ZNF142: variants seen among roughly 807,000 people sequenced by gnomAD.
ZNF142 encodes the protein zinc finger protein 142.
In ZNF142, 96 loss-of-function variants were observed where a neutral mutation model predicts 132.1. That is an observed-to-expected ratio of 0.73 (90% CI 0.62 to 0.86). The LOEUF (loss-of-function observed/expected upper bound fraction) is 0.86. Ranked by LOEUF, ZNF142 falls within the 40% of genes least tolerant of loss-of-function variation. ZNF142 has a pLI of 0.00. For synonymous variants in ZNF142, 842 were observed against 890.1 expected, an observed-to-expected ratio of 0.95 and a Z score of 0.96; for missense variants, 2,163 against 2,336.2, an observed-to-expected ratio of 0.93 and a Z score of 1.53.
intron 7 of ZNF142, among the ~76,000 whole-genome samples, chr2:218,647,038 T>C (rs1224616830): frequency 6.6e-6 from 1 of 152,200 alleles, no homozygotes; most frequent in African/African-American, 2.4e-5. Context: ...AATTCTGATC[T>C]GAAGTCCAAC....
chr2:218,644,607 G>A lies in ZNF142; in HGVS notation c.2509C>T (p.Pro837Ser). 6.2e-7 allele frequency: 1 copy of A among 1,614,218 alleles called. No homozygotes were observed. The highest frequency in any genetic ancestry group is 8.5e-7 in the Non-Finnish European group (1 of 1,180,046). ...CCAGGTTCGTGACCTGGCCCCTCAG[G>A]TCGGGCTGACAGCTGGTTTGAGGGC... ...SEPSNQLSAR[P>S]EGPGHEPGTV... The change falls in exon 9 of 11, where the codon CCT (proline) becomes TCT (serine). Residue 837 changes from proline (P) to serine (S), a missense_variant. Pro to Ser is a moderately conservative substitution (Grantham distance 74). This residue lies in a region of ZNF142 where 749 missense variants were observed against 830.3 expected (regional missense o/e 0.90). Coordinates refer to ENST00000411696, the MANE Select transcript of ZNF142 (RefSeq NM_001379659.1). This position sits in a 1 kb window ranked among gnomAD's most constrained non-coding sequence, Gnocchi z 4.6.
Position 218,649,249 on chromosome 2 carries a change from T to C in ZNF142, c.1259A>G (p.His420Arg), listed in dbSNP as rs775357440. 6.2e-7 allele frequency: 1 copy of C among 1,614,240 alleles called. No individual in the cohort carries two copies. The highest frequency in any genetic ancestry group is 8.5e-7 in the Non-Finnish European group (1 of 1,180,034). The change falls in exon 7 of 11, where the codon CAC becomes CGC. Residue 420 changes from histidine (H) to arginine (R), a missense_variant. By Grantham distance (29) the His-to-Arg change is conservative (BLOSUM62 0). Transcript: ENST00000411696. ...LLRELGEKAHHCPLCHYSAVE... is the reference protein window; with the variant it reads ...LLRELGEKAHRCPLCHYSAVE... ...CGCACTGTAGTGGCACAGTGGGCAG[T>C]GGTGGGCCTTTTCACCCAGCTCCCG...
Position 218,643,377 on chromosome 2 carries a change from C to T in ZNF142, c.3739G>A (p.Glu1247Lys). The change falls in exon 9 of 11, where the codon GAA (glutamate) becomes AAA (lysine). Residue 1247 changes from glutamate to lysine, a missense_variant. Coordinates refer to ENST00000411696, the MANE Select transcript of ZNF142 (RefSeq NM_001379659.1). ...RLSSITSHVA[E>K]GCRGGRGGGG... ...CCGCCACGTCCCCCCCTGCAGCCTT[C>T]AGCCACGTGAGAGGTAATAGAGGAG... is the stretch of plus-strand genomic sequence containing the variant. 1.2e-6 allele frequency: 2 copies of T among 1,614,218 alleles called. No individual in the cohort carries two copies. Among genetic ancestry groups the T allele is most frequent in the Non-Finnish European group, 1.7e-6 (2 of 1,180,026 alleles).
At chr2:218,657,547 G>A (rs2106288670) in intron 3 of ZNF142, among the ~76,000 whole-genome samples, 1 of 152,208 alleles carries the variant, frequency 6.6e-6, no homozygotes, top group East Asian at 1.9e-4. Flanking sequence ...TCCTGCCTCA[G>A]CCTCCTGAGT....
rs377693890 is a variant in ZNF142 at position 218,644,188 on chromosome 2, A to G, written c.2928T>C (p.Pro976=). Residue 976 remains proline (P), a synonymous_variant, in exon 9 of 11, where the codon CCT becomes CCC. Coordinates refer to ENST00000411696, the MANE Select transcript of ZNF142 (RefSeq NM_001379659.1). This position sits in a 1 kb window ranked among gnomAD's most constrained non-coding sequence, Gnocchi z 4.6. ...TCTTGAAGGTTCCTACCCAGTTGTT[A>G]GGAGCCTCCTCTAAGGATGGAGGAT... ...STNPPSLEEA[P]NNWVGTFKTT... 1.5e-4 allele frequency: 242 copies of G among 1,613,952 alleles called. No individual in the cohort carries two copies. The highest frequency in any genetic ancestry group is 2.0e-4 in the Non-Finnish European group (234 of 1,179,992).
intron 4 of ZNF142, 144 bp from the exon 5 acceptor site, chr2:218,652,444 T>C (rs754593430): frequency 5.8e-5 from 22 of 382,076 alleles, no homozygotes; most frequent in Non-Finnish European, 1.0e-4. Flanking sequence ...ACACCTGGAC[T>C]GTAGGCCCCA....
chr2:218,647,783 G>A (rs1007402601), intron 7 of ZNF142, among the ~76,000 whole-genome samples: 20 of 152,256 alleles, frequency 1.3e-4, no homozygotes, highest in African/African-American at 4.8e-4. Flanking sequence ...CTTCCCTATG[G>A]TGAAAAGGCT....
chr2:218,656,138 CTG>C lies in ZNF142; in HGVS notation c.280+10_280+11del. 1.3e-6 allele frequency: 2 copies of C among 1,530,664 alleles called. No individual in the cohort carries two copies. Among genetic ancestry groups the C allele is most frequent in the Non-Finnish European group, 1.8e-6 (2 of 1,132,900 alleles). The allele number at this position is 1,530,664 out of a possible 1,614,324, so 94.8% of individuals were successfully genotyped here. On this transcript the variant is annotated intron_variant, in intron 4 of 10. Coordinates refer to ENST00000411696, the MANE Select transcript of ZNF142 (RefSeq NM_001379659.1). ...GCTTGTCCCACTGGCCTGCTTGCAA[CTG>C]TGTTTGTACCTGGGGTCTCTCCAGG...
intron 8 of ZNF142, among the ~76,000 whole-genome samples, chr2:218,645,936 AGTT>A (rs1375022487): frequency 6.6e-6 from 1 of 152,008 alleles, no homozygotes; most frequent in African/African-American, 2.4e-5. Context: ...TAATTTTTGT[AGTT>A]TTAGTAGAGA....
chr2:218,652,119 C>T lies in ZNF142; in HGVS notation c.462G>A (p.Leu154=), dbSNP rs1938061152. ...GGCTAACTGGCGGGCTCTGGCCCTG[C>T]AGAGGGCCAGGGAGGGTTGGGTTGC... ...PPSNPTLPGP[L]QGQSPPVSPL... Residue 154 remains leucine, a synonymous_variant, in exon 5 of 11, where the codon CTG becomes CTA. Coordinates refer to ENST00000411696, the MANE Select transcript of ZNF142 (RefSeq NM_001379659.1). The T allele has an allele frequency of 2.2e-6, 1 of 447,894 alleles. No individual in the cohort carries two copies. Among genetic ancestry groups the T allele is most frequent in the African/African-American group, 2.0e-5 (1 of 49,860 alleles). 27.7% of individuals were successfully genotyped at this position (447,894 alleles called of 1,614,324 possible). A position where few individuals can be genotyped will look rare whatever the true frequency, so the allele number is the denominator to read the frequency against.
chr2:218,633,453 A>T lies in ZNF142; in HGVS notation c.*4886T>A, dbSNP rs1165958246. 1.1e-6 allele frequency: 1 copy of T among 921,884 alleles called. No homozygotes were observed. The highest frequency in any genetic ancestry group is 1.7e-6 in the Non-Finnish European group (1 of 579,860). 57.1% of individuals were successfully genotyped at this position (921,884 alleles called of 1,614,324 possible). On this transcript the variant is annotated 3_prime_UTR_variant, in exon 11 of 11. Transcript: ENST00000411696. ...ATTGTGGCCCAGGCTCCTATTTCCA[A>T]GCCTGAGTCCCTTCTCTTGTCCCGG...
intron 10 of ZNF142, among the ~76,000 whole-genome samples, chr2:218,639,754 T>C (rs1265574604): frequency 1.1e-5 from 1 of 87,410 alleles, no homozygotes; most frequent in Non-Finnish European, 2.5e-5. Flanking sequence ...AAAAAAAAAG[T>C]AAAAGAAATA....
chr2:218,658,585 C>T (rs1424012500), intron 3 of ZNF142, 116 bp downstream of exon 3: 1 of 152,152 alleles, frequency 6.6e-6, no homozygotes, highest in Non-Finnish European at 1.5e-5. Context: ...ATCTGATAGT[C>T]CCTATTTCCA....
rs374186939 is a variant in ZNF142 at position 218,633,551 on chromosome 2, T to C, written c.*4788A>G. ...TTTAGGTTGGATGGCCATTATCTTCTTCTCTCTCAGACTGCTGAGGGTTCA... is the reference window on the plus strand; with the variant it reads ...TTTAGGTTGGATGGCCATTATCTTCCTCTCTCTCAGACTGCTGAGGGTTCA... On this transcript the variant is annotated 3_prime_UTR_variant, in exon 11 of 11. Coordinates refer to ENST00000411696, the MANE Select transcript of ZNF142 (RefSeq NM_001379659.1). The C allele has an allele frequency of 3.2e-6, 5 of 1,577,860 alleles. No homozygotes were observed. The highest frequency in any genetic ancestry group is 2.2e-5 in the East Asian group (1 of 44,696).
intron 9 of ZNF142, 137 bp from the exon 10 acceptor site, chr2:218,640,906 T>A: frequency 2.9e-6 from 2 of 681,354 alleles, no homozygotes; most frequent in Non-Finnish European, 4.9e-6. Flanking sequence ...TTGTTTTTCT[T>A]AATCTTCAGT....
At position 218,638,217 on chromosome 2, in the gene ZNF142, A is replaced by C. The variant is rs539943918; in HGVS notation, c.*122T>G. ...ATAGCCAGAGTCCCAGGAAGGTTCT[A>C]GTCACCCTTGTACCCCAAAAGCCAG... On this transcript the variant is annotated 3_prime_UTR_variant, in exon 11 of 11. Coordinates refer to ENST00000411696, the MANE Select transcript of ZNF142 (RefSeq NM_001379659.1). 3.2e-6 allele frequency: 3 copies of C among 932,736 alleles called. No homozygotes were observed. The highest frequency in any genetic ancestry group is 7.4e-5 in the Admixed American group (2 of 26,880). 57.8% of individuals were successfully genotyped at this position (932,736 alleles called of 1,614,324 possible).
rs748623027 is a variant in ZNF142 at position 218,643,750 on chromosome 2, T to A, written c.3366A>T (p.Glu1122Asp). The change falls in exon 9 of 11, where the codon GAA becomes GAT. Residue 1122 changes from glutamate to aspartate, a missense_variant. Glu to Asp is a conservative substitution (Grantham distance 45, BLOSUM62 2). This residue lies in a region of ZNF142 where 809 missense variants were observed against 801.7 expected (regional missense o/e 1.01). Transcript: ENST00000411696. ...GTGATGCAGGTGGGGGCTTCCCACT[T>A]TCTGTGTCCTCTGAGGCCTGGGTAC... is the stretch of plus-strand genomic sequence containing the variant. ...LPGTQASEDT[E>D]SGKPPPASQE... is the part of the protein sequence containing the mutation. The A allele has an allele frequency of 7.5e-6, 12 of 1,610,388 alleles. 1 individual carries two copies. The South Asian group carries it at 1.3e-4, about 18-fold the overall frequency.
rs1211697378 is a variant in ZNF142 at position 218,638,427 on chromosome 2, G to A, written c.5576C>T (p.Thr1859Ile). ...ATCATGCAGGTGCACTGTGGGGGTGGTGGGGTCTTTGCCCACACCCTGGTT... is the reference window on the plus strand; with the variant it reads ...ATCATGCAGGTGCACTGTGGGGGTGATGGGGTCTTTGCCCACACCCTGGTT... Reference protein sequence around the residue: ...DPNQGVGKDPTTPTVHLHDVQ... With the variant: ...DPNQGVGKDPITPTVHLHDVQ... The change falls in exon 11 of 11, where the codon ACC (threonine) becomes ATC (isoleucine). Residue 1859 changes from threonine to isoleucine, a missense_variant. By Grantham distance (89) the Thr-to-Ile change is moderately conservative. Coordinates refer to ENST00000411696, the MANE Select transcript of ZNF142 (RefSeq NM_001379659.1). 9 of 1,564,002 alleles carry A rather than the reference G, an allele frequency of 5.8e-6. No individual in the cohort carries two copies. In the East Asian group the frequency reaches 1.4e-4, roughly 24 times the overall value.
rs1188575917 is a variant in ZNF142, at chr2:218,636,849, T to C, written c.*1490A>G. 1 of 530,532 alleles carries C rather than the reference T, an allele frequency of 1.9e-6. No homozygotes were observed. The highest frequency in any genetic ancestry group is 3.6e-6 in the Non-Finnish European group (1 of 276,028). The allele number at this position is 530,532 out of a possible 1,614,324, so 32.9% of individuals were successfully genotyped here. On this transcript the variant is annotated 3_prime_UTR_variant, in exon 11 of 11. Transcript: ENST00000411696. ...CTCTATACTGGAGTTCCCTTCTTCC[T>C]CTTGCTGTAGGCTCAATCCCATACC...
Sources: gnomAD v4.1 joint callset for allele counts (sites outside exome capture counted in the v4.1 genomes callset) on GRCh38, gnomAD v4.1.1 for gene constraint, gnomAD v4.1.1 regional missense constraint, Gnocchi (gnomAD v3.1) non-coding constraint, MANE v1.5 for transcripts, NCBI Gene and HGNC (gene_info 2026-07-23, HGNC 2026-07-21) for gene names.